Variants in SGCD observed in about 807,000 individuals in gnomAD.
The protein encoded by SGCD is sarcoglycan delta.
SGCD carries 18 observed loss-of-function variants against 36.6 expected under a neutral mutation model. The ratio of observed to expected loss-of-function variants is 0.49; its 90% confidence interval spans 0.34 to 0.73. The LOEUF is 0.73. Among genes scored for constraint, SGCD ranks in the 30% least tolerant of loss-of-function variants. The probability of loss-of-function intolerance (pLI) is 0.01; values close to 1 mark genes in which losing one functional copy is unlikely to be tolerated. For missense variants in SGCD, 387 were observed against 346.7 expected (o/e 1.12, Z -0.92); for synonymous variants, 133 against 130.6 (o/e 1.02, Z -0.12).
chr5:155,751,324 C>CA, the SGCD span, among the ~76,000 whole-genome samples: 2 of 152,342 alleles, frequency 1.3e-5, no homozygotes, highest in African/African-American at 4.8e-5. Flanking sequence ...TGTACCTAAG[C>CA]ATTCAGATGA....
chr5:156,522,199 G>A (rs1007247735), intron 4 of SGCD, among the ~76,000 whole-genome samples: 5 of 152,026 alleles, frequency 3.3e-5, no homozygotes, highest in African/African-American at 7.3e-5. Flanking sequence ...GTCAGGGGGT[G>A]GGGGGCTGAG....
In SGCD at chr5:156,592,677, C is replaced by T. The variant is rs187608204; in HGVS notation, c.383-2255C>T. ...AGACCTGCCATTGTCTCTAACCTTG[C>T]GAGAGCCCTCCGCCTTGCCCCCATT... On this transcript the variant is annotated intron_variant, in intron 5 of 8. Coordinates refer to ENST00000337851, the MANE Select transcript of SGCD (RefSeq NM_000337.6). Among the ~76,000 whole-genome samples, 14 of 152,200 alleles carry T rather than the reference C, an allele frequency of 9.2e-5. No individual in the cohort carries two copies. In the East Asian group the frequency reaches 9.7e-4, roughly 11 times the overall value.
chr5:156,731,985 G>A (rs1265948206), intron 7 of SGCD, among the ~76,000 whole-genome samples: 1 of 152,072 alleles, frequency 6.6e-6, no homozygotes, highest in African/African-American at 2.4e-5. Context: ...GAATCCTAGT[G>A]ATTTTTGCAC....
At position 156,365,743 on chromosome 5, in the gene SGCD, A is replaced by G. The variant is rs558602017; in HGVS notation, c.192+21066A>G. Among the ~76,000 whole-genome samples the G allele has an allele frequency of 5.9e-5, 9 of 151,264 alleles. No individual in the cohort carries two copies. In the East Asian group the frequency reaches 1.5e-3, roughly 26 times the overall value. On this transcript the variant is annotated intron_variant, in intron 3 of 8. Coordinates refer to ENST00000337851, the MANE Select transcript of SGCD (RefSeq NM_000337.6). The stretch of plus-strand genomic sequence containing the variant: ...ATACAATATATACATGTATATATGT[A>G]TACATACACACCTATTTACATGTAT...
chr5:156,700,556 T>C (rs1179404066), intron 7 of SGCD, among the ~76,000 whole-genome samples: 1 of 152,142 alleles, frequency 6.6e-6, no homozygotes, highest in Non-Finnish European at 1.5e-5. Flanking sequence ...TTCAAGGATG[T>C]TATTTCAACA....
At chr5:156,343,178 G>T (rs1447627882) in intron 2 of SGCD, among the ~76,000 whole-genome samples, 1 of 152,120 alleles carries the variant, frequency 6.6e-6, no homozygotes, top group East Asian at 1.9e-4. Flanking sequence ...TGATTTTAGG[G>T]CCTGCATTTT....
chr5:155,971,378 T>C (rs1758003733), intron 1 of SGCD, among the ~76,000 whole-genome samples: 1 of 152,154 alleles, frequency 6.6e-6, no homozygotes, highest in South Asian at 2.1e-4. Context: ...AGGCGACTAA[T>C]GTTAGCGACA....
At position 156,430,155 on chromosome 5, in the gene SGCD, C is replaced by G. The variant is rs950065548; in HGVS notation, c.193-78446C>G. 2.0e-5 allele frequency among the ~76,000 whole-genome samples: 3 copies of G among 152,110 alleles called. No homozygotes were observed. In the South Asian group the frequency reaches 6.2e-4, roughly 32 times the overall value. On this transcript the variant is annotated intron_variant, in intron 3 of 8. Transcript: ENST00000337851. ...CTCTTCCTCAGGAACACCAATTATT[C>G]TTAGGTTTGGCCATTTTACATAATT... is the stretch of plus-strand genomic sequence containing the variant.
At chr5:156,403,142 C>A (rs1772240021) in intron 3 of SGCD, among the ~76,000 whole-genome samples, 1 of 152,156 alleles carries the variant, frequency 6.6e-6, no homozygotes, top group Non-Finnish European at 1.5e-5. Context: ...ACCCACCCTG[C>A]CGCCTTTTCC....
intron 1 of SGCD, among the ~76,000 whole-genome samples, chr5:155,903,006 G>A (rs1474149688): frequency 6.6e-6 from 1 of 152,130 alleles, no homozygotes. Flanking sequence ...AAGTCTTTGG[G>A]CAATGATTAT....
At chr5:156,005,538 C>A (rs946924188) in intron 1 of SGCD, among the ~76,000 whole-genome samples, 2 of 152,122 alleles carry the variant, frequency 1.3e-5, no homozygotes, top group Admixed American at 6.5e-5. Flanking sequence ...GCAAGCTCCA[C>A]CTCCCGGGTT....
At chr5:155,871,468 G>A (rs1178421875) in intron 1 of SGCD, among the ~76,000 whole-genome samples, 2 of 152,138 alleles carry the variant, frequency 1.3e-5, no homozygotes, top group Non-Finnish European at 2.9e-5. Context: ...TAAGATGAAT[G>A]GAAAGATGGT....
At chr5:156,657,776 A>C (rs1763751860) in intron 7 of SGCD, among the ~76,000 whole-genome samples, 1 of 149,666 alleles carries the variant, frequency 6.7e-6, no homozygotes, top group Non-Finnish European at 1.5e-5. Context: ...TTGGAAAAGA[A>C]AAAGACACAG....
intron 1 of SGCD, among the ~76,000 whole-genome samples, chr5:156,104,136 T>TC (rs1761587156): frequency 6.6e-6 from 1 of 152,112 alleles, no homozygotes; most frequent in Non-Finnish European, 1.5e-5. Context: ...TAATTAAATT[T>TC]CTCTCTGGAC....
At chr5:156,409,320 T>A (rs1772613225) in intron 3 of SGCD, among the ~76,000 whole-genome samples, 2 of 152,188 alleles carry the variant, frequency 1.3e-5, no homozygotes. Flanking sequence ...TTAACTGCAA[T>A]GGTCAAACTT....
chr5:156,486,386 G>A (rs1304438972), intron 3 of SGCD, among the ~76,000 whole-genome samples: 1 of 152,146 alleles, frequency 6.6e-6, no homozygotes, highest in East Asian at 1.9e-4. Flanking sequence ...CCTGAAGCCA[G>A]TGCCACTGAT....
At chr5:156,020,506 G>T (rs1759075037) in intron 1 of SGCD, among the ~76,000 whole-genome samples, 1 of 151,348 alleles carries the variant, frequency 6.6e-6, no homozygotes, top group Non-Finnish European at 1.5e-5. Context: ...GTTGTCCCTA[G>T]TTTTTTTTTA....
At chr5:156,022,026 T>C (rs1296587404) in intron 1 of SGCD, among the ~76,000 whole-genome samples, 1 of 152,170 alleles carries the variant, frequency 6.6e-6, no homozygotes, top group Non-Finnish European at 1.5e-5. Flanking sequence ...GTCACTTTCA[T>C]TTTCCCCTAC....
intron 1 of SGCD, among the ~76,000 whole-genome samples, chr5:155,879,242 T>C (rs1447668395): frequency 6.6e-6 from 1 of 152,166 alleles, no homozygotes; most frequent in Non-Finnish European, 1.5e-5. Flanking sequence ...TTAAAACTCA[T>C]GAATGTGGCC....
Sources: allele counts gnomAD v4.1 joint callset (sites outside exome capture counted in the v4.1 genomes callset), GRCh38; gene constraint gnomAD v4.1.1; transcripts MANE v1.5; gene names NCBI Gene and HGNC (gene_info 2026-07-23, HGNC 2026-07-21).